Variants in LRMDA observed in about 807,000 individuals in gnomAD.
LRMDA encodes leucine-rich melanocyte differentiation-associated protein.
In LRMDA, 18 loss-of-function variants were observed where a neutral mutation model predicts 29.8. That is an observed-to-expected ratio of 0.60 (90% CI 0.42 to 0.90). The LOEUF is 0.90. LRMDA is among the 40% of genes least tolerant of loss of function. The pLI, the probability that LRMDA is intolerant of heterozygous loss-of-function variation, is 0.00. For synonymous variants in LRMDA, 125 were observed against 109.4 expected (o/e 1.14, Z -0.89); for missense variants, 273 against 273.9 (o/e 1.00, Z 0.02).
intron 2 of LRMDA, among the ~76,000 whole-genome samples, chr10:75,989,770 A>G (rs1399728200): frequency 6.6e-6 from 1 of 152,194 alleles, no homozygotes; most frequent in African/African-American, 2.4e-5. Flanking sequence ...TTCAAGTTCA[A>G]ACAGCTAGCA....
At chr10:75,848,910 A>G (rs193124287) in intron 2 of LRMDA, among the ~76,000 whole-genome samples, 2 of 152,054 alleles carry the variant, frequency 1.3e-5, no homozygotes, top group African/African-American at 4.8e-5. Flanking sequence ...AGGGGCTGTC[A>G]TCTGTGGGGG....
intron 5 of LRMDA, among the ~76,000 whole-genome samples, chr10:76,131,524 T>C (rs545130291): frequency 6.6e-6 from 1 of 152,230 alleles, no homozygotes; most frequent in Non-Finnish European, 1.5e-5. Flanking sequence ...ATATTTAAGA[T>C]CTTTGATGCA....
At chr10:76,555,081 T>C (rs1344633530) in intron 6 of LRMDA, among the ~76,000 whole-genome samples, 1 of 152,094 alleles carries the variant, frequency 6.6e-6, no homozygotes, top group Non-Finnish European at 1.5e-5. Flanking sequence ...ATCAATTATG[T>C]TTAAGGAAGC....
At chr10:76,441,619 T>A (rs1449170925) in intron 6 of LRMDA, among the ~76,000 whole-genome samples, 1 of 152,144 alleles carries the variant, frequency 6.6e-6, no homozygotes, top group Non-Finnish European at 1.5e-5. Flanking sequence ...TGTACCAGAA[T>A]GTGTTTGGAA....
At chr10:76,046,018 A>C (rs1848432681) in intron 3 of LRMDA, among the ~76,000 whole-genome samples, 1 of 152,120 alleles carries the variant, frequency 6.6e-6, no homozygotes, top group Non-Finnish European at 1.5e-5. Flanking sequence ...CACTTCTGGG[A>C]ACTGTAATCT....
intron 2 of LRMDA, among the ~76,000 whole-genome samples, chr10:75,887,392 G>C (rs1183691961): frequency 2.0e-5 from 3 of 152,062 alleles, no homozygotes; most frequent in Non-Finnish European, 2.9e-5. Flanking sequence ...GAGAAAATGA[G>C]ACTCTTCTAT....
intron 2 of LRMDA, among the ~76,000 whole-genome samples, chr10:75,823,639 T>C (rs1429701370): frequency 6.6e-6 from 1 of 151,852 alleles, no homozygotes; most frequent in Non-Finnish European, 1.5e-5. Context: ...CCGAAAGCTA[T>C]ACAATCAACC....
At chr10:76,516,381 A>C (rs143137855) in intron 6 of LRMDA, among the ~76,000 whole-genome samples, 3,257 of 152,224 alleles carry the variant, frequency 0.021, 121 homozygotes, top group African/African-American at 0.073. Flanking sequence ...TTTAGGGTAC[A>C]TGTGCACAAT....
intron 2 of LRMDA, among the ~76,000 whole-genome samples, chr10:75,985,094 C>T (rs756101915): frequency 3.6e-4 from 55 of 151,968 alleles, no homozygotes; most frequent in Middle Eastern, 3.4e-3. Flanking sequence ...TTGGAGGGAG[C>T]GGGTGTGAGC....
rs527268309 is a variant in LRMDA, at chr10:76,088,964, G to A, written c.516+30181G>A. Reference sequence around the variant, plus strand: ...TAGTTTGAGTATGACAATTCTGTCCGTGTGATTAATTCAACACACACCTAA... The same window carrying A: ...TAGTTTGAGTATGACAATTCTGTCCATGTGATTAATTCAACACACACCTAA... On this transcript the variant is annotated intron_variant, in intron 5 of 6. Coordinates refer to ENST00000611255, the MANE Select transcript of LRMDA (RefSeq NM_001305581.2). Among the ~76,000 whole-genome samples the A allele has an allele frequency of 5.3e-5, 8 of 152,188 alleles. No homozygotes were observed. The East Asian group carries it at 7.7e-4, about 15-fold the overall frequency.
chr10:75,514,295 C>G (rs1245480612), intron 2 of LRMDA, among the ~76,000 whole-genome samples: 1 of 151,492 alleles, frequency 6.6e-6, no homozygotes, highest in African/African-American at 2.4e-5. Context: ...CCTCCTCCCT[C>G]CTTTTTCCTT....
intron 6 of LRMDA, among the ~76,000 whole-genome samples, chr10:76,507,871 AG>A (rs1842974760): frequency 6.6e-6 from 1 of 152,092 alleles, no homozygotes; most frequent in South Asian, 2.1e-4. Context: ...TTTTTGTGCC[AG>A]TACCATGTAA....
intron 5 of LRMDA, among the ~76,000 whole-genome samples, chr10:76,235,186 G>C (rs569560526): frequency 2.0e-5 from 3 of 151,778 alleles, no homozygotes; most frequent in Admixed American, 1.3e-4. Context: ...AGCCTGGGGA[G>C]AGAGAGAGAG....
At chr10:75,645,577 G>A (rs1188978029) in intron 2 of LRMDA, among the ~76,000 whole-genome samples, 1 of 152,090 alleles carries the variant, frequency 6.6e-6, no homozygotes, top group East Asian at 1.9e-4. Flanking sequence ...CTGTGGGTCG[G>A]GGGAACCCAT....
At chr10:75,439,532 G>A (rs1182883524) in intron 2 of LRMDA, among the ~76,000 whole-genome samples, 3 of 152,196 alleles carry the variant, frequency 2.0e-5, no homozygotes, top group South Asian at 4.1e-4. Flanking sequence ...AATAAGGCAC[G>A]AGAGGTGGAA....
At chr10:76,282,514 CA>C (rs1840219245) in intron 5 of LRMDA, among the ~76,000 whole-genome samples, 1 of 152,152 alleles carries the variant, frequency 6.6e-6, no homozygotes, top group Non-Finnish European at 1.5e-5. Context: ...TCTATGATAA[CA>C]AAGACTTTGT....
chr10:75,480,550 A>G (rs919024229), intron 2 of LRMDA, among the ~76,000 whole-genome samples: 1 of 152,282 alleles, frequency 6.6e-6, no homozygotes, highest in African/African-American at 2.4e-5. Flanking sequence ...AACACAACAG[A>G]CAATGAACAA....
intron 2 of LRMDA, among the ~76,000 whole-genome samples, chr10:75,650,013 G>A (rs1003892200): frequency 2.0e-5 from 3 of 150,574 alleles, no homozygotes; most frequent in African/African-American, 7.5e-5. Context: ...TCTATTTTGA[G>A]TATTAATCCC....
At chr10:75,863,796 C>T (rs901398643) in intron 2 of LRMDA, among the ~76,000 whole-genome samples, 2 of 152,160 alleles carry the variant, frequency 1.3e-5, no homozygotes, top group African/African-American at 2.4e-5. Context: ...TTTAATTCAG[C>T]AGAGCAAGGA....
Sources: gnomAD v4.1 joint callset for allele counts (sites outside exome capture counted in the v4.1 genomes callset) on GRCh38, gnomAD v4.1.1 for gene constraint, MANE v1.5 for transcripts, NCBI Gene and HGNC (gene_info 2026-07-23, HGNC 2026-07-21) for gene names.